Variants in ALMS1 observed in about 807,000 individuals in gnomAD.
ALMS1 encodes the protein centrosome-associated protein ALMS1.
In ALMS1, 271 loss-of-function variants were observed where a neutral mutation model predicts 352.2. The ratio of observed to expected loss-of-function variants is 0.77; its 90% CI spans 0.70 to 0.85. The LOEUF is 0.85. Among genes scored for constraint, ALMS1 ranks in the 40% least tolerant of loss-of-function variants. The probability of loss-of-function intolerance (pLI) is 0.00; values close to 1 mark genes in which losing one functional copy is unlikely to be tolerated. For missense variants in ALMS1, 5,445 were observed against 4,870.7 expected, an observed-to-expected ratio of 1.12 and a Z score of -3.51; for synonymous variants, 1,865 against 1,761.2, an observed-to-expected ratio of 1.06 and a Z score of -1.48.
chr2:73,428,158 G>C (rs530332511), intron 6 of ALMS1, among the ~76,000 whole-genome samples: 1 of 152,090 alleles, frequency 6.6e-6, no homozygotes, highest in Admixed American at 6.5e-5. Flanking sequence ...TTGTGCTCAA[G>C]TACTGTGCTA....
chr2:73,574,856 A>G (rs549940919), intron 16 of ALMS1, among the ~76,000 whole-genome samples: 1 of 152,270 alleles, frequency 6.6e-6, no homozygotes, highest in African/African-American at 2.4e-5. Flanking sequence ...AACCATCACC[A>G]CTATCTATTT....
intron 18 of ALMS1, 103 bp from the exon 19 acceptor site, chr2:73,601,092 A>G: frequency 6.4e-7 from 1 of 1,571,688 alleles, no homozygotes. Flanking sequence ...CTGACAGCTG[A>G]GACCCCTGAG....
At position 73,602,202 on chromosome 2, in the gene ALMS1, C is replaced by T; in HGVS notation, c.12132C>T (p.His4044=). ...TCTTTTAGGAATCGCTTCAGTTTCA[C>T]AGACCTGACTTCATCTCCCGCTCTG... The part of the protein sequence containing the change: ...RATLQESLQF[H]RPDFISRSGE... The change falls in exon 20 of 23, where the codon CAC becomes CAT. Residue 4044 remains histidine, a synonymous_variant. Transcript: ENST00000613296. 1 of 1,613,986 alleles carries T rather than the reference C, an allele frequency of 6.2e-7. No homozygotes were observed. Among genetic ancestry groups the T allele is most frequent in the South Asian group, 1.1e-5 (1 of 91,068 alleles).
chr2:73,487,358 T>C (rs1318884391), intron 9 of ALMS1, among the ~76,000 whole-genome samples: 1 of 152,138 alleles, frequency 6.6e-6, no homozygotes, highest in African/African-American at 2.4e-5. Flanking sequence ...GTGCTGGCAC[T>C]GGTGCTGGCG....
chr2:73,569,087 T>G (rs1249177664), intron 15 of ALMS1, among the ~76,000 whole-genome samples: 2 of 133,178 alleles, frequency 1.5e-5, no homozygotes, highest in East Asian at 4.8e-4. Flanking sequence ...CGGTCTTGAC[T>G]CACTGCAACC....
intron 1 of ALMS1, among the ~76,000 whole-genome samples, chr2:73,407,553 A>G (rs1476956805): frequency 6.6e-6 from 1 of 152,200 alleles, no homozygotes; most frequent in Non-Finnish European, 1.5e-5. Flanking sequence ...TTTACCAGAG[A>G]ACTTTATATT....
chr2:73,554,790 A>G (rs570469108), intron 13 of ALMS1, among the ~76,000 whole-genome samples: 1 of 152,292 alleles, frequency 6.6e-6, no homozygotes, highest in Admixed American at 6.5e-5. Context: ...TAACCTGGGT[A>G]AGGTTATATA....
intron 10 of ALMS1, among the ~76,000 whole-genome samples, chr2:73,503,180 G>A (rs1673251773): frequency 6.6e-6 from 1 of 151,834 alleles, no homozygotes; most frequent in Non-Finnish European, 1.5e-5. Flanking sequence ...CATGTGCCAT[G>A]CTGGTGTGCT....
chr2:73,465,322 G>A (rs1466033570), intron 9 of ALMS1, among the ~76,000 whole-genome samples: 1 of 151,346 alleles, frequency 6.6e-6, no homozygotes, highest in Non-Finnish European at 1.5e-5. Context: ...AGAGCCCTCA[G>A]AAATAATGCC....
intron 10 of ALMS1, among the ~76,000 whole-genome samples, chr2:73,502,062 G>A (rs1673230516): frequency 6.6e-6 from 1 of 151,970 alleles, no homozygotes; most frequent in Non-Finnish European, 1.5e-5. Flanking sequence ...ATTGTTCATT[G>A]CTTATATATA....
Position 73,451,872 on chromosome 2 carries a change from C to G in ALMS1, c.5345C>G (p.Ala1782Gly), listed in dbSNP as rs768400824. ...ELPDSHLTEE[A>G]LKVSNVPGPA... ...CCAGATAGTCATCTAACTGAAGAGG[C>G]TCTGAAAGTTTCAAATGTTCCTGGA... The change falls in exon 8 of 23, where the codon GCT becomes GGT. Residue 1782 changes from alanine (A) to glycine (G), a missense_variant. Coordinates refer to ENST00000613296, the MANE Select transcript of ALMS1 (RefSeq NM_001378454.1). The G allele has an allele frequency of 6.2e-7, 1 of 1,613,542 alleles. No homozygotes were observed. The highest frequency in any genetic ancestry group is 1.7e-5 in the Admixed American group (1 of 59,972).
Position 73,448,364 on chromosome 2 carries a change from G to A in ALMS1, c.1837G>A (p.Gly613Ser), listed in dbSNP as rs1671849807. 6.2e-7 allele frequency: 1 copy of A among 1,613,994 alleles called. No homozygotes were observed. The highest frequency in any genetic ancestry group is 8.5e-7 in the Non-Finnish European group (1 of 1,179,936). Residue 613 changes from glycine (G) to serine (S), a missense_variant, in exon 8 of 23, where the codon GGC becomes AGC. Gly to Ser is a moderately conservative substitution (Grantham distance 56). Coordinates refer to ENST00000613296, the MANE Select transcript of ALMS1 (RefSeq NM_001378454.1). ...AAPGLADQTT[G>S]MSTLTSTSYS... ...TCCTGGACTAGCTGACCAGACAACT[G>A]GCATGTCAACTCTAACCTCTACTTC...
chr2:73,571,029 G>A (rs1219678474), intron 15 of ALMS1, among the ~76,000 whole-genome samples: 2 of 152,116 alleles, frequency 1.3e-5, no homozygotes, highest in Non-Finnish European at 2.9e-5. Flanking sequence ...CATTTGTTCA[G>A]TGCAGAAGCT....
At position 73,453,164 on chromosome 2, in the gene ALMS1, G is replaced by C. The variant is rs367656336; in HGVS notation, c.6637G>C (p.Asp2213His). The change falls in exon 8 of 23, where the codon GAC (aspartate) becomes CAC (histidine). Residue 2213 changes from aspartate to histidine, a missense_variant. By Grantham distance (81) the Asp-to-His change is moderately conservative. Coordinates refer to ENST00000613296, the MANE Select transcript of ALMS1 (RefSeq NM_001378454.1). The stretch of plus-strand genomic sequence containing the variant: ...GCTAATAGATAATTTGAATTCTTCT[G>C]ACTCCAGTGTTAGCTCAAATAATGT... ...QRLIDNLNSS[D>H]SSVSSNNVLL... is the part of the protein sequence containing the mutation. 7 of 1,614,022 alleles carry C rather than the reference G, an allele frequency of 4.3e-6. No homozygotes were observed. Among genetic ancestry groups the C allele is most frequent in the Non-Finnish European group, 5.9e-6 (7 of 1,179,980 alleles).
At chr2:73,608,702 A>G (rs911547024) in intron 22 of ALMS1, 128 bp downstream of exon 22, 13 of 765,352 alleles carry the variant, frequency 1.7e-5, no homozygotes, top group Non-Finnish European at 2.7e-5. Context: ...CTTAGAATGC[A>G]CTGGACCAGT....
intron 9 of ALMS1, among the ~76,000 whole-genome samples, chr2:73,467,807 C>T (rs79924028): frequency 0.016 from 2,412 of 152,066 alleles, 35 homozygotes; most frequent in Middle Eastern, 0.024. Flanking sequence ...CTGTCACACA[C>T]GTTATGGTTA....
At chr2:73,587,556 T>G (rs6759120) in intron 16 of ALMS1, among the ~76,000 whole-genome samples, 11,409 of 152,290 alleles carry the variant, frequency 0.075, 1,057 homozygotes, top group African/African-American at 0.21. Flanking sequence ...TATTTTAAAT[T>G]CTGTTTATGT....
intron 12 of ALMS1, among the ~76,000 whole-genome samples, chr2:73,540,175 A>G (rs1332692617): frequency 2.0e-5 from 3 of 152,252 alleles, no homozygotes; most frequent in East Asian, 3.8e-4. Context: ...CTGATCTCTC[A>G]GCAGAAACTC....
chr2:73,395,060 G>A (rs1350073473), intron 1 of ALMS1, among the ~76,000 whole-genome samples: 10 of 92,696 alleles, frequency 1.1e-4, no homozygotes, highest in South Asian at 3.2e-4. Flanking sequence ...ATATATATGT[G>A]TATATATATA....
Sources: gnomAD v4.1 joint callset for allele counts (sites outside exome capture counted in the v4.1 genomes callset) on GRCh38, gnomAD v4.1.1 for gene constraint, MANE v1.5 for transcripts, NCBI Gene and HGNC (gene_info 2026-07-23, HGNC 2026-07-21) for gene names.